DNAJC25: variants seen among roughly 807,000 people sequenced by gnomAD.
DNAJC25 encodes the protein dnaJ homolog subfamily C member 25.
Under a neutral mutation model 42.1 loss-of-function variants are expected in DNAJC25, and 26 were observed. The observed-to-expected ratio is 0.62, with a 90% confidence interval of 0.45 to 0.86. DNAJC25 has a LOEUF of 0.86. Among genes scored for constraint, DNAJC25 ranks in the 40% least tolerant of loss-of-function variants. The pLI, the probability that DNAJC25 is intolerant of heterozygous loss-of-function variation, is 0.00. For missense variants in DNAJC25, 404 were observed against 459.4 expected, an observed-to-expected ratio of 0.88 and a Z score of 1.10; for synonymous variants, 189 against 179.9, an observed-to-expected ratio of 1.05 and a Z score of -0.40.
Position 111,647,268 on chromosome 9 carries a change from C to T in DNAJC25, c.489+9C>T. 1.9e-6 allele frequency: 3 copies of T among 1,613,746 alleles called. No homozygotes were observed. Among genetic ancestry groups the T allele is most frequent in the Non-Finnish European group, 2.5e-6 (3 of 1,179,864 alleles). On this transcript the variant is annotated intron_variant, in intron 2 of 3. Transcript: ENST00000313525. ...CTATTTCGGTGTTTCAGGTATGTAT[C>T]AATGGATATTTTTATCTACATTTAT...
At chr9:111,650,319 A>C (rs1418506974) in intron 3 of DNAJC25, among the ~76,000 whole-genome samples, 1 of 151,324 alleles carries the variant, frequency 6.6e-6, no homozygotes, top group African/African-American at 2.4e-5. Flanking sequence ...AAAAAACAAC[A>C]GAGTAAGACG....
At chr9:111,633,989 AG>A (rs1237915317) in intron 1 of DNAJC25, among the ~76,000 whole-genome samples, 2 of 152,148 alleles carry the variant, frequency 1.3e-5, no homozygotes, top group African/African-American at 2.4e-5. Context: ...ATCTTGGAAC[AG>A]GGGAGTGGAA....
chr9:111,649,663 G>A lies in DNAJC25; in HGVS notation c.700G>A (p.Gly234Arg). Residue 234 changes from glycine (G) to arginine (R), a missense_variant, in exon 3 of 4, where the codon GGG becomes AGG. Coordinates refer to ENST00000313525, the MANE Select transcript of DNAJC25 (RefSeq NM_001015882.3). ...NIIKSKIDIK[G>R]GYQKPQICDL... ...TATAAAAAGTAAAATAGATATAAAG[G>A]GGGGCTATCAGAAACCCCAAATCTG... The A allele has an allele frequency of 4.3e-6, 7 of 1,613,844 alleles. No individual in the cohort carries two copies. Among genetic ancestry groups the A allele is most frequent in the Non-Finnish European group, 5.9e-6 (7 of 1,179,940 alleles).
At position 111,653,086 on chromosome 9, in the gene DNAJC25, A is replaced by G; in HGVS notation, c.961-14A>G. ...CTTTGGATTGTGAAGTCATCTAGTT[A>G]TTTATACTTACAGGTCTACAAGCAA... On this transcript the variant is annotated splice_polypyrimidine_tract_variant and intron_variant, in intron 3 of 3. Transcript: ENST00000313525. 1.3e-6 allele frequency: 2 copies of G among 1,576,042 alleles called. No homozygotes were observed. Among genetic ancestry groups the G allele is most frequent in the Middle Eastern group, 1.7e-4 (1 of 5,888 alleles).
intron 1 of DNAJC25, among the ~76,000 whole-genome samples, chr9:111,633,532 C>G (rs1458523462): frequency 6.6e-6 from 1 of 152,104 alleles, no homozygotes; most frequent in Non-Finnish European, 1.5e-5. Context: ...TGGACGCTTA[C>G]CCTCTGTGTC....
At chr9:111,644,528 C>T (rs372781864) in intron 1 of DNAJC25, among the ~76,000 whole-genome samples, 3 of 152,140 alleles carry the variant, frequency 2.0e-5, no homozygotes, top group East Asian at 3.9e-4. Context: ...ACATGATGTC[C>T]GCTTACCAGA....
intron 1 of DNAJC25, among the ~76,000 whole-genome samples, chr9:111,638,284 G>A (rs924213984): frequency 1.3e-5 from 2 of 152,272 alleles, no homozygotes; most frequent in Middle Eastern, 3.4e-3. Context: ...AATCAGATAG[G>A]GAATGCTGAA....
intron 1 of DNAJC25, among the ~76,000 whole-genome samples, chr9:111,641,125 A>G (rs1409107710): frequency 2.3e-3 from 134 of 58,336 alleles, no homozygotes; most frequent in Middle Eastern, 0.017. Context: ...CGGGAGGGAG[A>G]TGGGGGGGTC....
intron 1 of DNAJC25, among the ~76,000 whole-genome samples, chr9:111,643,886 C>T (rs570736058): frequency 6.6e-6 from 1 of 152,114 alleles, no homozygotes; most frequent in African/African-American, 2.4e-5. Flanking sequence ...CTTGTTCTTA[C>T]TAGGTTGATT....
chr9:111,641,989 G>GA (rs1830480715), intron 1 of DNAJC25, among the ~76,000 whole-genome samples: 2 of 125,960 alleles, frequency 1.6e-5, no homozygotes, highest in African/African-American at 6.0e-5. Context: ...GAGGTGGGGG[G>GA]GGTCAGCCCC....
chr9:111,653,296 A>G lies in DNAJC25; in HGVS notation c.*74A>G. On this transcript the variant is annotated 3_prime_UTR_variant, in exon 4 of 4. Transcript: ENST00000313525. Reference sequence around the variant, plus strand: ...CATAACTGAATTATTTTAGAAATGTATCAATTGACTGCTGCTCAGCAGTAA... The same window carrying G: ...CATAACTGAATTATTTTAGAAATGTGTCAATTGACTGCTGCTCAGCAGTAA... 2 of 1,387,978 alleles carry G rather than the reference A, an allele frequency of 1.4e-6. No individual in the cohort carries two copies. The highest frequency in any genetic ancestry group is 1.9e-6 in the Non-Finnish European group (2 of 1,059,212). The allele number at this position is 1,387,978 out of a possible 1,614,324, so 86.0% of individuals were successfully genotyped here. A position where few individuals can be genotyped will look rare whatever the true frequency, so the allele number is the denominator to read the frequency against.
At chr9:111,648,920 A>G (rs1391801184) in intron 2 of DNAJC25, among the ~76,000 whole-genome samples, 1 of 152,204 alleles carries the variant, frequency 6.6e-6, no homozygotes, top group Non-Finnish European at 1.5e-5. Context: ...GAGTTCAACC[A>G]TATTTGAGTC....
intron 2 of DNAJC25, among the ~76,000 whole-genome samples, chr9:111,647,532 A>C (rs1830585504): frequency 6.6e-6 from 1 of 152,228 alleles, no homozygotes; most frequent in Non-Finnish European, 1.5e-5. Flanking sequence ...AGCCAGAGTG[A>C]ACGTCAGCTA....
At chr9:111,632,689 C>CT (rs11300589) in intron 1 of DNAJC25, among the ~76,000 whole-genome samples, 52 of 146,516 alleles carry the variant, frequency 3.5e-4, no homozygotes, top group South Asian at 2.6e-3. Flanking sequence ...CTTTTCTAGC[C>CT]TTTTTTTTTT....
At chr9:111,651,629 G>A (rs1830662363) in intron 3 of DNAJC25, among the ~76,000 whole-genome samples, 1 of 152,152 alleles carries the variant, frequency 6.6e-6, no homozygotes, top group Non-Finnish European at 1.5e-5. Flanking sequence ...GCTCATGCCT[G>A]TAATCCCAGC....
intron 1 of DNAJC25, among the ~76,000 whole-genome samples, chr9:111,641,869 C>T (rs1320900621): frequency 1.1e-4 from 15 of 141,606 alleles, no homozygotes; most frequent in Admixed American, 3.5e-4. Context: ...CGCCTCTGCC[C>T]GGCCGCCCCT....
intron 1 of DNAJC25, among the ~76,000 whole-genome samples, chr9:111,643,585 C>T (rs1407271584): frequency 1.3e-5 from 2 of 152,048 alleles, no homozygotes; most frequent in Admixed American, 1.3e-4. Context: ...ACACCAAATT[C>T]CAGAAATTGC....
At chr9:111,640,292 G>A (rs1830432812) in intron 1 of DNAJC25, among the ~76,000 whole-genome samples, 1 of 146,686 alleles carries the variant, frequency 6.8e-6, no homozygotes, top group Non-Finnish European at 1.5e-5. Flanking sequence ...ACACCTCCCA[G>A]CCGCCTGCCT....
chr9:111,644,468 G>C (rs1266893152), intron 1 of DNAJC25, among the ~76,000 whole-genome samples: 1 of 152,172 alleles, frequency 6.6e-6, no homozygotes, highest in Non-Finnish European at 1.5e-5. Flanking sequence ...TGATATCTAC[G>C]TTCTGTAGAA....
Sources: gnomAD v4.1 joint callset for allele counts (sites outside exome capture counted in the v4.1 genomes callset) on GRCh38, gnomAD v4.1.1 for gene constraint, MANE v1.5 for transcripts, NCBI Gene and HGNC (gene_info 2026-07-23, HGNC 2026-07-21) for gene names.